PTPRG: variants seen among roughly 807,000 people sequenced by gnomAD.
PTPRG encodes the protein receptor-type tyrosine-protein phosphatase gamma.
Under a neutral mutation model 165.3 loss-of-function variants are expected in PTPRG, and 102 were observed. The observed-to-expected ratio is 0.62, with a 90% CI of 0.53 to 0.73. The LOEUF (loss-of-function observed/expected upper bound fraction) is 0.73, where lower values mean the gene tolerates loss of function less well. Ranked by LOEUF, PTPRG falls within the 30% of genes least tolerant of loss-of-function variation. The pLI is 0.00. For synonymous variants in PTPRG, 675 were observed against 669.5 expected, an observed-to-expected ratio of 1.01 and a Z score of -0.13; for missense variants, 1,866 against 1,861.4, an observed-to-expected ratio of 1.00 and a Z score of -0.05.
chr3:61,745,025 C>G lies in PTPRG; in HGVS notation c.86-3853C>G, dbSNP rs546622359. Among the ~76,000 whole-genome samples the G allele has an allele frequency of 6.6e-5, 9 of 136,468 alleles. No individual in the cohort carries two copies. In the East Asian group the frequency reaches 1.9e-3, roughly 29 times the overall value. The allele number at this position is 136,468 out of a possible 152,430, so 89.5% of individuals were successfully genotyped here. A position where few individuals can be genotyped will look rare whatever the true frequency, so the allele number is the denominator to read the frequency against. On this transcript the variant is annotated intron_variant, in intron 1 of 29. Coordinates refer to ENST00000474889, the MANE Select transcript of PTPRG (RefSeq NM_002841.4). Reference sequence around the variant, plus strand: ...ACACAGAAACCATCAGCTTTTTGATCTTTCATGTGTTCATTCATTCCCTCA... The same window carrying G: ...ACACAGAAACCATCAGCTTTTTGATGTTTCATGTGTTCATTCATTCCCTCA...
At chr3:61,966,521 G>C (rs553737235) in intron 2 of PTPRG, among the ~76,000 whole-genome samples, 3 of 152,306 alleles carry the variant, frequency 2.0e-5, no homozygotes, top group Admixed American at 1.3e-4. Flanking sequence ...TGGTGGCCCA[G>C]GTAGAACTAT....
chr3:61,925,925 T>C lies in PTPRG; in HGVS notation c.191-63700T>C, dbSNP rs187647316. 9.1e-5 allele frequency: 45 copies of C among 492,104 alleles called. 1 individual carries two copies. In the Middle Eastern group the frequency reaches 1.7e-3, roughly 19 times the overall value. The allele number at this position is 492,104 out of a possible 1,614,324, so 30.5% of individuals were successfully genotyped here. On this transcript the variant is annotated intron_variant, in intron 2 of 29. Transcript: ENST00000474889. Reference sequence around the variant, plus strand: ...GATGAGGTAACCAGCAGTGTTTCCATAGGAACTCGAGCTCCTGGCTATTCC... The same window carrying C: ...GATGAGGTAACCAGCAGTGTTTCCACAGGAACTCGAGCTCCTGGCTATTCC...
intron 2 of PTPRG, among the ~76,000 whole-genome samples, chr3:61,901,033 A>G (rs1161073058): frequency 1.3e-5 from 2 of 152,246 alleles, no homozygotes; most frequent in African/African-American, 4.8e-5. Flanking sequence ...TAAGTGTTCA[A>G]CATAGCTGAG....
chr3:62,117,546 G>GT (rs1205799563), intron 5 of PTPRG, among the ~76,000 whole-genome samples: 3 of 152,114 alleles, frequency 2.0e-5, no homozygotes, highest in African/African-American at 4.8e-5. Flanking sequence ...AACTTGTGCA[G>GT]TTTTTTATCA....
intron 5 of PTPRG, among the ~76,000 whole-genome samples, chr3:62,123,666 T>C (rs186274468): frequency 2.0e-5 from 3 of 152,306 alleles, no homozygotes; most frequent in East Asian, 1.9e-4. Context: ...CATTACACTT[T>C]TTAATGCAGA....
At chr3:62,287,977 TAACTAG>T (rs1374948690) in intron 28 of PTPRG, among the ~76,000 whole-genome samples, 2 of 152,110 alleles carry the variant, frequency 1.3e-5, no homozygotes, top group Non-Finnish European at 1.5e-5. Context: ...CAAATCCTTA[TAACTAG>T]AAACAACTAG....
At chr3:62,057,817 C>T (rs1051151825) in intron 4 of PTPRG, among the ~76,000 whole-genome samples, 1 of 152,116 alleles carries the variant, frequency 6.6e-6, no homozygotes, top group African/African-American at 2.4e-5. Flanking sequence ...ACTCAGAAAA[C>T]TCAGCTTTAA....
intron 1 of PTPRG, among the ~76,000 whole-genome samples, chr3:61,701,856 C>G (rs1007334891): frequency 6.6e-6 from 1 of 151,810 alleles, no homozygotes; most frequent in African/African-American, 2.4e-5. Flanking sequence ...TGCCACTGTA[C>G]TCAGCCTGGG....
chr3:61,746,549 T>G (rs187935737), intron 1 of PTPRG, among the ~76,000 whole-genome samples: 199 of 152,238 alleles, frequency 1.3e-3, no homozygotes, highest in African/African-American at 4.7e-3. Context: ...GTTCTAATTT[T>G]AAGGTCCTCT....
Position 62,203,277 on chromosome 3 carries a change from T to C in PTPRG, c.1482T>C (p.Thr494=). ...CATTCTCATTTGTTTCCATGGCAAC[T>C]GGGATGGGCCCCTCCTCCAGTGGCA... ...GIPFSFVSMA[T]GMGPSSSGSQ... is the part of the protein sequence containing the mutation. The change falls in exon 12 of 30, where the codon ACT becomes ACC. Residue 494 remains threonine, a synonymous_variant. Transcript: ENST00000474889. The surrounding 1 kb of genome is among the most constrained non-coding windows in gnomAD (Gnocchi z 6.4). The C allele has an allele frequency of 1.2e-6, 2 of 1,614,012 alleles. No homozygotes were observed. Among genetic ancestry groups the C allele is most frequent in the African/African-American group, 1.3e-5 (1 of 75,016 alleles).
intron 2 of PTPRG, among the ~76,000 whole-genome samples, chr3:61,979,873 C>A (rs1327739895): frequency 6.6e-6 from 1 of 152,138 alleles, no homozygotes; most frequent in Non-Finnish European, 1.5e-5. Context: ...TCCCACATCC[C>A]ATCCACACCA....
At position 61,910,905 on chromosome 3, in the gene PTPRG, T is replaced by C. The variant is rs149921673; in HGVS notation, c.191-78720T>C. The stretch of plus-strand genomic sequence containing the variant: ...TGCCAGGTCTCAGCCCCACCTCCCA[T>C]GATTCAATTCTTGACTCTGGTTGTC... On this transcript the variant is annotated intron_variant, in intron 2 of 29. Coordinates refer to ENST00000474889, the MANE Select transcript of PTPRG (RefSeq NM_002841.4). 7.3e-3 allele frequency among the ~76,000 whole-genome samples: 1,116 copies of C among 152,296 alleles called. 7 individuals are homozygous for C. The highest frequency in any genetic ancestry group is 0.026 in the African/African-American group (1,070 of 41,556).
At chr3:61,634,286 G>A (rs751040889) in intron 1 of PTPRG, among the ~76,000 whole-genome samples, 4 of 151,970 alleles carry the variant, frequency 2.6e-5, no homozygotes, top group Non-Finnish European at 4.4e-5. Flanking sequence ...CATCTGGGCT[G>A]GAGTGCAGTG....
intron 2 of PTPRG, among the ~76,000 whole-genome samples, chr3:61,865,891 C>A (rs1055261236): frequency 2.6e-5 from 4 of 152,204 alleles, no homozygotes; most frequent in Non-Finnish European, 5.9e-5. Context: ...TCAGCAGTTG[C>A]TCAAAAGGCA....
intron 1 of PTPRG, among the ~76,000 whole-genome samples, chr3:61,630,476 A>T (rs1252328456): frequency 1.3e-5 from 2 of 152,142 alleles, no homozygotes; most frequent in Non-Finnish European, 2.9e-5. Flanking sequence ...TATTAATATG[A>T]CTTTTTTCCC....
At position 62,033,056 on chromosome 3, in the gene PTPRG, G is replaced by C. The variant is rs571080301; in HGVS notation, c.519+29559G>C. On this transcript the variant is annotated intron_variant, in intron 4 of 29. Transcript: ENST00000474889. Reference sequence around the variant, plus strand: ...AATTTGCCTGTGACATGCTGGTATAGATGCCCTATAAAAGTATTATATGTG... The same window carrying C: ...AATTTGCCTGTGACATGCTGGTATACATGCCCTATAAAAGTATTATATGTG... Among the ~76,000 whole-genome samples the C allele has an allele frequency of 2.6e-5, 4 of 152,290 alleles. No homozygotes were observed. The South Asian group carries it at 8.3e-4, about 32-fold the overall frequency.
chr3:62,176,185 G>C, intron 8 of PTPRG, among the ~76,000 whole-genome samples: 1 of 152,032 alleles, frequency 6.6e-6, no homozygotes. Context: ...GATGATCATA[G>C]TAAAAGTATA....
intron 16 of PTPRG, among the ~76,000 whole-genome samples, chr3:62,258,918 G>T (rs1399254819): frequency 6.6e-6 from 1 of 152,132 alleles, no homozygotes; most frequent in Non-Finnish European, 1.5e-5. Flanking sequence ...CAAAAGACCA[G>T]TGCTAGCATA....
chr3:61,817,762 T>C (rs138112693), intron 2 of PTPRG, among the ~76,000 whole-genome samples: 5 of 152,204 alleles, frequency 3.3e-5, no homozygotes, highest in African/African-American at 1.2e-4. Flanking sequence ...CATTGAAGAG[T>C]AGGCATGCTT....
Sources: allele counts gnomAD v4.1 joint callset (sites outside exome capture counted in the v4.1 genomes callset), GRCh38; gene constraint gnomAD v4.1.1; non-coding constraint Gnocchi (gnomAD v3.1); transcripts MANE v1.5; gene names NCBI Gene and HGNC (gene_info 2026-07-23, HGNC 2026-07-21).